Variants in ACIN1 observed in about 807,000 individuals in gnomAD.
The protein encoded by ACIN1 is apoptotic chromatin condensation inducer 1.
Under a neutral mutation model 146.6 loss-of-function variants are expected in ACIN1, and 16 were observed. The ratio of observed to expected loss-of-function variants is 0.11; its 90% CI spans 0.07 to 0.17. The LOEUF is 0.17. ACIN1 is among the 10% of genes least tolerant of loss of function. ACIN1 has a pLI of 1.00. For missense variants in ACIN1, 1,357 were observed against 1,609.3 expected (o/e 0.84, Z 2.68); for synonymous variants, 569 against 582.7 (o/e 0.98, Z 0.34).
At chr14:23,084,524 C>T (rs548190766) in intron 4 of ACIN1, among the ~76,000 whole-genome samples, 9 of 151,396 alleles carry the variant, frequency 5.9e-5, no homozygotes, top group Admixed American at 3.3e-4. Flanking sequence ...GCAGAAGAAT[C>T]GCTTGAACCT....
intron 4 of ACIN1, among the ~76,000 whole-genome samples, chr14:23,086,646 C>T (rs2048098412): frequency 6.6e-6 from 1 of 152,060 alleles, no homozygotes; most frequent in South Asian, 2.1e-4. Flanking sequence ...CCATCACAGT[C>T]AGCTAATGTT....
chr14:23,080,447 T>G lies in ACIN1; in HGVS notation c.888A>C (p.Arg296Ser), dbSNP rs2140160283. ...TTTTCATTTCCTTCTCCTGCTGCTG[T>G]CTGGCCAGATGACTTTTTCTAGCCT... The part of the protein sequence containing the change: ...QEEARKSHLA[R>S]QQQEKEMKTT... Residue 296 changes from arginine to serine, a missense_variant, in exon 6 of 19, where the codon AGA (arginine) becomes AGC (serine). Arg to Ser is a moderately radical substitution (Grantham distance 110). Coordinates refer to ENST00000605057, the MANE Select transcript of ACIN1 (RefSeq NM_001386863.1). The G allele has an allele frequency of 1.9e-6, 3 of 1,614,218 alleles. No individual in the cohort carries two copies. In the East Asian group the frequency reaches 6.7e-5, roughly 36 times the overall value.
rs1254853017 is a variant in ACIN1, at chr14:23,080,214, A to C, written c.1121T>G (p.Leu374Arg). ...GGGCTCTATTTCTTCTTCGCTATGG[A>C]GCTGTGGATGAGGTGGTGGAGAAGA... ...EASSPPPHPQ[L>R]HSEEEIEPME... Residue 374 changes from leucine to arginine, a missense_variant, in exon 6 of 19, where the codon CTC becomes CGC. Around this residue, in one of 4 missense-constraint regions of ACIN1, gnomAD observed 771 missense variants for 746.6 expected, o/e 1.03. Coordinates refer to ENST00000605057, the MANE Select transcript of ACIN1 (RefSeq NM_001386863.1). The C allele has an allele frequency of 1.2e-6, 2 of 1,614,020 alleles. No individual in the cohort carries two copies. Among genetic ancestry groups the C allele is most frequent in the Admixed American group, 1.7e-5 (1 of 59,996 alleles).
chr14:23,059,499 G>A (rs1455722616), intron 18 of ACIN1, 25 bp from the exon 19 acceptor site: 5 of 1,593,770 alleles, frequency 3.1e-6, no homozygotes, highest in Non-Finnish European at 4.3e-6. Context: ...GAAAGGCAGA[G>A]AATAGGCAGC....
At position 23,090,095 on chromosome 14, in the gene ACIN1, G is replaced by A. The variant is rs2048190016; in HGVS notation, c.323C>T (p.Ser108Leu). Residue 108 changes from serine (S) to leucine (L), a missense_variant, in exon 4 of 19, where the codon TCA becomes TTA. Ser to Leu is a moderately radical substitution (Grantham distance 145, BLOSUM62 -2). Coordinates refer to ENST00000605057, the MANE Select transcript of ACIN1 (RefSeq NM_001386863.1). ...GATCATCTCGTCCTCCGACTCAGCTGAAGCTTCTGCAAAGTACAGATCGGG... is the reference window on the plus strand; with the variant it reads ...GATCATCTCGTCCTCCGACTCAGCTAAAGCTTCTGCAAAGTACAGATCGGG... Reference protein sequence around the residue: ...AREAAELEEASAESEDEMIHP... With the variant: ...AREAAELEEALAESEDEMIHP... 1.2e-6 allele frequency: 2 copies of A among 1,613,840 alleles called. No individual in the cohort carries two copies. The highest frequency in any genetic ancestry group is 1.7e-6 in the Non-Finnish European group (2 of 1,179,942).
In ACIN1 at chr14:23,071,633, G is replaced by C. The variant is rs1308124199; in HGVS notation, c.2124-2016C>G. 1.4e-5 allele frequency: 20 copies of C among 1,418,612 alleles called. 1 individual carries two copies. Among genetic ancestry groups the C allele is most frequent in the South Asian group, 2.7e-5 (2 of 73,378 alleles). The allele number at this position is 1,418,612 out of a possible 1,614,324, so 87.9% of individuals were successfully genotyped here. ...AGCAGGGGAGGGGAAAGAAAAGAGG[G>C]AGGGAGCTGAGTGAGCAAGGTTCTT... On this transcript the variant is annotated intron_variant, in intron 8 of 18. Coordinates refer to ENST00000605057, the MANE Select transcript of ACIN1 (RefSeq NM_001386863.1).
rs779818899 is a variant in ACIN1, at chr14:23,059,100, C to T, written c.*48G>A. Reference sequence around the variant, plus strand: ...TGTGCCTATCCCTCTGTGGCCATAACCCCCTGGGGCCGAGTGGCTGGTACC... The same window carrying T: ...TGTGCCTATCCCTCTGTGGCCATAATCCCCTGGGGCCGAGTGGCTGGTACC... On this transcript the variant is annotated 3_prime_UTR_variant, in exon 19 of 19. Transcript: ENST00000605057. 14 of 1,580,480 alleles carry T rather than the reference C, an allele frequency of 8.9e-6. No individual in the cohort carries two copies. Among genetic ancestry groups the T allele is most frequent in the South Asian group, 4.5e-5 (4 of 87,926 alleles).
chr14:23,063,776 G>T (rs7148989), intron 12 of ACIN1, among the ~76,000 whole-genome samples, 199 bp from the exon 13 acceptor site: 2,588 of 152,304 alleles, frequency 0.017, 82 homozygotes, highest in African/African-American at 0.059. Flanking sequence ...TAAGACAGGA[G>T]TTAGTAAATT....
intron 4 of ACIN1, among the ~76,000 whole-genome samples, chr14:23,087,729 C>A (rs1373979166): frequency 4.6e-5 from 7 of 152,042 alleles, no homozygotes; most frequent in Admixed American, 4.6e-4. Context: ...CTCATACTTA[C>A]TGGCCTGGCA....
chr14:23,066,238 A>C (rs1425033057), intron 9 of ACIN1: 1 of 478,654 alleles, frequency 2.1e-6, no homozygotes, highest in East Asian at 3.6e-5. Context: ...ACTAAACATC[A>C]GAGCAGGGAA....
In ACIN1 at chr14:23,061,527, G is replaced by A. The variant is rs1441277128; in HGVS notation, c.3195C>T (p.Pro1065=). The change falls in exon 17 of 19, where the codon CCC becomes CCT. Residue 1065 remains proline, a synonymous_variant. Coordinates refer to ENST00000605057, the MANE Select transcript of ACIN1 (RefSeq NM_001386863.1). ...GGGGGTGCTGTGGTGGCTGGACCGG[G>A]GGTGGGGGTGGGGGGTGCAGGGGCC... ...IPRPLHPPPP[P]PVQPPQHPRA... 2.5e-6 allele frequency: 4 copies of A among 1,604,026 alleles called. No homozygotes were observed. The highest frequency in any genetic ancestry group is 3.4e-6 in the Non-Finnish European group (4 of 1,175,690).
In ACIN1 at chr14:23,061,630, G is replaced by T; in HGVS notation, c.3100-8C>A. On this transcript the variant is annotated splice_polypyrimidine_tract_variant and splice_region_variant and intron_variant, in intron 16 of 18. Transcript: ENST00000605057. ...GCCTCGGTGATAATCCAGCTGTGGG[G>T]AGAGGAGGGACAAGGACAGTTAGGA... 6.6e-7 allele frequency: 1 copy of T among 1,521,024 alleles called. No individual in the cohort carries two copies. The allele number at this position is 1,521,024 out of a possible 1,614,324, so 94.2% of individuals were successfully genotyped here.
chr14:23,067,935 G>A lies in ACIN1; in HGVS notation c.2265+1541C>T, dbSNP rs1031642781. The stretch of plus-strand genomic sequence containing the variant: ...AGGTCAGAATACTTCTCTTCGGAGA[G>A]TTGTGGCTGGCATCTCCTCAGGGAC... On this transcript the variant is annotated intron_variant, in intron 9 of 18. Transcript: ENST00000605057. The surrounding 1 kb of genome is among the most constrained non-coding windows in gnomAD (Gnocchi z 4.6). The A allele has an allele frequency of 7.1e-6, 7 of 985,762 alleles. No homozygotes were observed. In the Admixed American group the frequency reaches 3.7e-4, roughly 52 times the overall value. 61.1% of individuals were successfully genotyped at this position (985,762 alleles called of 1,614,324 possible). A position where few individuals can be genotyped will look rare whatever the true frequency, so the allele number is the denominator to read the frequency against.
chr14:23,079,086 T>C (rs1472257335), intron 6 of ACIN1, 48 bp from the exon 7 acceptor site: 1 of 1,537,148 alleles, frequency 6.5e-7, no homozygotes, highest in Non-Finnish European at 8.8e-7. Context: ...GTATATGGTA[T>C]ATATTCAGTA....
At position 23,059,445 on chromosome 14, in the gene ACIN1, T is replaced by C; in HGVS notation, c.3555A>G (p.Glu1185=). The C allele has an allele frequency of 6.2e-7, 1 of 1,613,946 alleles. No individual in the cohort carries two copies. The highest frequency in any genetic ancestry group is 8.5e-7 in the Non-Finnish European group (1 of 1,179,990). Residue 1185 remains glutamate (E), a synonymous_variant, in exon 19 of 19, where the codon GAA becomes GAG. Transcript: ENST00000605057. ...GCCGCTTCTCCCGCTCCTTGGCCCG[T>C]TCGGCCCGCTCTGCCTCTTTCTGAA... ...QIVQKEAERA[E]RAKEREKRRK...
intron 8 of ACIN1, among the ~76,000 whole-genome samples, chr14:23,073,683 T>C (rs2047724104): frequency 6.6e-6 from 1 of 152,144 alleles, no homozygotes; most frequent in African/African-American, 2.4e-5. Flanking sequence ...ATTTTTTTAA[T>C]AGAATCCCCA....
chr14:23,095,184 A>C (rs553437375), upstream of ACIN1: 1 of 1,613,842 alleles, frequency 6.2e-7, no homozygotes, highest in African/African-American at 1.3e-5. Flanking sequence ...CGCCCTTCGA[A>C]CGTACCGAGA....
At chr14:23,061,969 C>T (rs2047302646) in intron 16 of ACIN1, among the ~76,000 whole-genome samples, 199 bp downstream of exon 16, 2 of 77,886 alleles carry the variant, frequency 2.6e-5, no homozygotes, top group South Asian at 1.1e-3. Context: ...GAGACTCTGT[C>T]TCAAAAAAAA....
intron 9 of ACIN1, chr14:23,069,009 GCA>G: frequency 1.4e-5 from 14 of 986,090 alleles, no homozygotes; most frequent in Non-Finnish European, 1.6e-5. Context: ...CTACATCTCT[GCA>G]GTCAGACCAC....
Sources: allele counts gnomAD v4.1 joint callset (sites outside exome capture counted in the v4.1 genomes callset), GRCh38; gene constraint gnomAD v4.1.1; regional missense constraint gnomAD v4.1.1; non-coding constraint Gnocchi (gnomAD v3.1); transcripts MANE v1.5; gene names NCBI Gene and HGNC (gene_info 2026-07-23, HGNC 2026-07-21).